Variants in PPP1R14C observed in about 807,000 individuals in gnomAD.
PPP1R14C encodes protein phosphatase 1 regulatory subunit 14C.
PPP1R14C carries 16 observed loss-of-function variants against 20.4 expected under a neutral mutation model. The ratio of observed to expected loss-of-function variants is 0.78; its 90% confidence interval spans 0.53 to 1.19. The LOEUF (loss-of-function observed/expected upper bound fraction) is 1.19. Ranked by LOEUF, PPP1R14C falls within the 50% of genes most tolerant of loss-of-function variation. The pLI is 0.00. For synonymous variants in PPP1R14C, 91 were observed against 91.0 expected (o/e 1.00, Z 0.00); for missense variants, 211 against 220.1 (o/e 0.96, Z 0.26).
At chr6:150,227,201 A>T (rs1778240582) in intron 3 of PPP1R14C, among the ~76,000 whole-genome samples, 1 of 152,226 alleles carries the variant, frequency 6.6e-6, no homozygotes, top group Admixed American at 6.5e-5. Flanking sequence ...CAGGAAAACC[A>T]TGTGATGACT....
At chr6:150,153,433 C>T (rs979802376) in intron 1 of PPP1R14C, among the ~76,000 whole-genome samples, 3 of 152,222 alleles carry the variant, frequency 2.0e-5, no homozygotes, top group East Asian at 1.9e-4. Context: ...AAAGGGATCA[C>T]GAGTTACTGC....
chr6:150,206,506 G>A (rs117134378), intron 1 of PPP1R14C, among the ~76,000 whole-genome samples: 5 of 152,156 alleles, frequency 3.3e-5, no homozygotes, highest in Non-Finnish European at 7.4e-5. Flanking sequence ...CCCGTGATGT[G>A]CATCTTCATG....
intron 1 of PPP1R14C, among the ~76,000 whole-genome samples, chr6:150,158,170 CAA>C (rs1777325835): frequency 6.6e-6 from 1 of 152,092 alleles, no homozygotes; most frequent in Non-Finnish European, 1.5e-5. Flanking sequence ...ACCATCTCCC[CAA>C]AAGCTCAGAA....
At chr6:150,218,330 G>T (rs910487082) in intron 3 of PPP1R14C, among the ~76,000 whole-genome samples, 1 of 152,058 alleles carries the variant, frequency 6.6e-6, no homozygotes, top group African/African-American at 2.4e-5. Flanking sequence ...GTGAACCTGG[G>T]AGGCGGAGCT....
chr6:150,167,949 CCCTTCTCTCCTCCCCTCTTTCTCT>C (rs1326456988), intron 1 of PPP1R14C, among the ~76,000 whole-genome samples: 43 of 151,236 alleles, frequency 2.8e-4, no homozygotes, highest in Non-Finnish European at 3.4e-4. Context: ...CTCCGTTCTC[CCCTTCTCTCCTCCCCTCTTTCTCT>C]CCTTCTCTCC....
At chr6:150,199,682 C>A (rs114668469) in intron 1 of PPP1R14C, among the ~76,000 whole-genome samples, 1,777 of 152,198 alleles carry the variant, frequency 0.012, 32 homozygotes, top group African/African-American at 0.041. Context: ...CCAATCTGGG[C>A]AATATAGTGA....
chr6:150,195,771 T>C, intron 1 of PPP1R14C: 5 of 903,774 alleles, frequency 5.5e-6, no homozygotes, highest in Non-Finnish European at 6.6e-6. Flanking sequence ...CCACCATTCA[T>C]CTCCCGAACT....
At chr6:150,214,561 A>C in intron 1 of PPP1R14C, among the ~76,000 whole-genome samples, 183 bp from the exon 2 acceptor site, 4 of 134,398 alleles carry the variant, frequency 3.0e-5, no homozygotes, top group South Asian at 2.4e-4. Flanking sequence ...TTACCCCTTC[A>C]TCCTGTTTCC....
At chr6:150,170,522 A>G (rs6919682) in intron 1 of PPP1R14C, among the ~76,000 whole-genome samples, 38,068 of 151,778 alleles carry the variant, frequency 0.25, 5,234 homozygotes, top group Non-Finnish European at 0.32. Context: ...TGGGGTTTCA[A>G]TGTGTTAGCC....
chr6:150,197,847 G>T (rs55641037), intron 1 of PPP1R14C, among the ~76,000 whole-genome samples: 1 of 129,522 alleles, frequency 7.7e-6, no homozygotes, highest in Non-Finnish European at 1.6e-5. Context: ...CTGGATGCCC[G>T]GCTTTGTGTG....
chr6:150,200,885 G>T (rs1777869226), intron 1 of PPP1R14C, among the ~76,000 whole-genome samples: 1 of 152,154 alleles, frequency 6.6e-6, no homozygotes, highest in Non-Finnish European at 1.5e-5. Context: ...GCTCCAGCTG[G>T]CTGTGGATAC....
chr6:150,248,829 C>T lies in PPP1R14C; in HGVS notation c.*9C>T, dbSNP rs569188862. 72 of 1,588,386 alleles carry T rather than the reference C, an allele frequency of 4.5e-5. No homozygotes were observed. In the Middle Eastern group the frequency reaches 2.8e-3, roughly 62 times the overall value. On this transcript the variant is annotated 3_prime_UTR_variant, in exon 4 of 4. Coordinates refer to ENST00000361131, the MANE Select transcript of PPP1R14C (RefSeq NM_030949.3). Reference sequence around the variant, plus strand: ...AGAAGAAGAGTGTATGATTCTGGAACAGGGTGAAACTCTCCCAGAGACGAA... The same window carrying T: ...AGAAGAAGAGTGTATGATTCTGGAATAGGGTGAAACTCTCCCAGAGACGAA...
At chr6:150,196,062 C>A in intron 1 of PPP1R14C, 1 of 985,370 alleles carries the variant, frequency 1.0e-6, no homozygotes, top group Non-Finnish European at 1.2e-6. Flanking sequence ...AGACTAAAAC[C>A]GTAGTTCTGC....
intron 1 of PPP1R14C, among the ~76,000 whole-genome samples, chr6:150,182,774 G>A (rs2114880065): frequency 6.6e-6 from 1 of 152,268 alleles, no homozygotes; most frequent in Non-Finnish European, 1.5e-5. Context: ...ATGGGGATAT[G>A]TTCTGAGAAA....
chr6:150,195,538 G>T (rs1777793931), intron 1 of PPP1R14C, among the ~76,000 whole-genome samples: 2 of 152,074 alleles, frequency 1.3e-5, no homozygotes, highest in African/African-American at 2.4e-5. Context: ...ATACAGATGG[G>T]GTTTCACCAT....
chr6:150,143,489 C>T lies in PPP1R14C; in HGVS notation c.297C>T (p.Tyr99=). The T allele has an allele frequency of 2.1e-6, 3 of 1,396,972 alleles. No homozygotes were observed. The highest frequency in any genetic ancestry group is 3.2e-5 in the East Asian group (1 of 31,692). The allele number at this position is 1,396,972 out of a possible 1,614,324, so 86.5% of individuals were successfully genotyped here. A position where few individuals can be genotyped will look rare whatever the true frequency, so the allele number is the denominator to read the frequency against. ...TCGTGGAGCAGCTGGGTCAGCTCTA[C>T]GGCTGCGAGGTACCTGGGCGCGGGG... ...EWIVEQLGQL[Y]GCEEEEMPEV... The change falls in exon 1 of 4, where the codon TAC becomes TAT. Residue 99 remains tyrosine (Y), a synonymous_variant. Transcript: ENST00000361131. The surrounding 1 kb of genome is among the most constrained non-coding windows in gnomAD (Gnocchi z 5.6).
intron 1 of PPP1R14C, among the ~76,000 whole-genome samples, chr6:150,206,076 C>T (rs189763128): frequency 1.0e-3 from 159 of 152,236 alleles, no homozygotes; most frequent in African/African-American, 3.5e-3. Flanking sequence ...ATGGCCCCAA[C>T]TCTGATACAG....
intron 3 of PPP1R14C, among the ~76,000 whole-genome samples, chr6:150,236,086 G>A (rs1268813919): frequency 6.6e-6 from 1 of 152,192 alleles, no homozygotes; most frequent in East Asian, 1.9e-4. Flanking sequence ...CCCCAGGGTG[G>A]TGATCATCCC....
intron 1 of PPP1R14C, chr6:150,196,213 C>A: frequency 1.4e-6 from 1 of 723,960 alleles, no homozygotes; most frequent in Non-Finnish European, 1.7e-6. Flanking sequence ...GATTTATGGT[C>A]ATTGAGGGCA....
Sources: gnomAD v4.1 joint callset for allele counts (sites outside exome capture counted in the v4.1 genomes callset) on GRCh38, gnomAD v4.1.1 for gene constraint, Gnocchi (gnomAD v3.1) non-coding constraint, MANE v1.5 for transcripts, NCBI Gene and HGNC (gene_info 2026-07-23, HGNC 2026-07-21) for gene names.